Variants in CAMK2A observed in about 807,000 individuals in gnomAD.
CAMK2A encodes the protein calcium/calmodulin-dependent protein kinase type II subunit alpha.
A neutral mutation model predicts 79.2 loss-of-function variants in CAMK2A; 7 were observed. The observed-to-expected ratio is 0.09, with a 90% CI of 0.05 to 0.17. CAMK2A has a LOEUF of 0.17. CAMK2A is among the 10% of genes least tolerant of loss of function. The pLI is 1.00. For synonymous variants in CAMK2A, 242 were observed against 251.7 expected, an observed-to-expected ratio of 0.96 and a Z score of 0.36; for missense variants, 214 against 646.4, an observed-to-expected ratio of 0.33 and a Z score of 7.25.
chr5:150,231,230 C>A (rs1319182338), intron 16 of CAMK2A, 75 bp downstream of exon 16: 1 of 690,908 alleles, frequency 1.4e-6, no homozygotes, highest in South Asian at 2.5e-5. Flanking sequence ...GAGACAAGGA[C>A]CCCCAAAGTT....
intron 15 of CAMK2A, among the ~76,000 whole-genome samples, chr5:150,232,789 G>A (rs993450138): frequency 4.6e-5 from 7 of 152,184 alleles, no homozygotes; most frequent in African/African-American, 1.7e-4. Flanking sequence ...ACCCCACACA[G>A]GAGCACACCT....
chr5:150,252,055 C>A lies in CAMK2A; in HGVS notation c.525G>T (p.Gly175=). 6.2e-7 allele frequency: 1 copy of A among 1,613,100 alleles called. No homozygotes were observed. Among genetic ancestry groups the A allele is most frequent in the Non-Finnish European group, 8.5e-7 (1 of 1,179,230 alleles). The change falls in exon 8 of 19, where the codon GGG becomes GGT. Residue 175 remains glycine (G), a synonymous_variant. Transcript: ENST00000671881. Reference sequence around the variant, plus strand: ...CTTCTGGGGAGAGATATCCAGGAGTCCCTGCAAACCCTGCTCCCAGACACA... The same window carrying A: ...CTTCTGGGGAGAGATATCCAGGAGTACCTGCAAACCCTGCTCCCAGACACA... ...GEQQAWFGFA[G]TPGYLSPEVL...
Position 150,284,667 on chromosome 5 carries a change from C to T in CAMK2A, c.62+4897G>A, listed in dbSNP as rs529387544. On this transcript the variant is annotated intron_variant, in intron 1 of 18. Transcript: ENST00000671881. This position sits in a 1 kb window ranked among gnomAD's most constrained non-coding sequence, Gnocchi z 5.3. Reference sequence around the variant, plus strand: ...CTCGTCCCTTCCCTGTTCCTGCCACCCTTTCCTTGAGGTCCTGCCCCTCAA... The same window carrying T: ...CTCGTCCCTTCCCTGTTCCTGCCACTCTTTCCTTGAGGTCCTGCCCCTCAA... Among the ~76,000 whole-genome samples, 133 of 152,282 alleles carry T rather than the reference C, an allele frequency of 8.7e-4. 2 individuals are homozygous for T. Among genetic ancestry groups the T allele is most frequent in the African/African-American group, 3.1e-3 (129 of 41,554 alleles).
In CAMK2A at chr5:150,251,979, C is replaced by T; in HGVS notation, c.598+3G>A. The T allele has an allele frequency of 6.2e-7, 1 of 1,613,424 alleles. No individual in the cohort carries two copies. Among genetic ancestry groups the T allele is most frequent in the Non-Finnish European group, 8.5e-7 (1 of 1,179,442 alleles). ...GCACAAAAGGGCCTTAGGATGAACT[C>T]ACCACAAGCCCACAGGTCCACAGGC... is the stretch of plus-strand genomic sequence containing the variant. On this transcript the variant is annotated splice_donor_region_variant and intron_variant, in intron 8 of 18. Coordinates refer to ENST00000671881, the MANE Select transcript of CAMK2A (RefSeq NM_015981.4).
At chr5:150,270,120 G>T (rs573477070) in intron 2 of CAMK2A, among the ~76,000 whole-genome samples, 64 of 152,214 alleles carry the variant, frequency 4.2e-4, no homozygotes, top group African/African-American at 1.5e-3. Context: ...GAGCTAGGAG[G>T]CTATACAGCA....
Position 150,223,333 on chromosome 5 carries a change from T to A in CAMK2A, c.1238-116A>T. The stretch of plus-strand genomic sequence containing the variant: ...AATGGAGGCGCCCTGCCTGACTCAT[T>A]TGCAGGGAAGGGGCCTGTGTGGCAG... On this transcript the variant is annotated intron_variant, in intron 17 of 18. Coordinates refer to ENST00000671881, the MANE Select transcript of CAMK2A (RefSeq NM_015981.4). The surrounding 1 kb of genome is among the most constrained non-coding windows in gnomAD (Gnocchi z 4.1). 1 of 799,874 alleles carries A rather than the reference T, an allele frequency of 1.3e-6. No homozygotes were observed. Among genetic ancestry groups the A allele is most frequent in the South Asian group, 1.7e-5 (1 of 59,730 alleles). 49.5% of individuals were successfully genotyped at this position (799,874 alleles called of 1,614,324 possible).
At chr5:150,234,036 C>G (rs919665690) in intron 15 of CAMK2A, among the ~76,000 whole-genome samples, 1 of 152,180 alleles carries the variant, frequency 6.6e-6, no homozygotes, top group Non-Finnish European at 1.5e-5. Flanking sequence ...TGGTCACGAG[C>G]TCCTGGCCTC....
At chr5:150,250,902 G>A (rs1755803469) in intron 9 of CAMK2A, 92 bp from the exon 10 acceptor site, 2 of 1,451,436 alleles carry the variant, frequency 1.4e-6, no homozygotes, top group Non-Finnish European at 9.5e-7. Flanking sequence ...GCAGGCAGGG[G>A]TCCTACTGCC....
chr5:150,264,662 C>T (rs1756433293), intron 3 of CAMK2A, among the ~76,000 whole-genome samples: 1 of 152,182 alleles, frequency 6.6e-6, no homozygotes, highest in Non-Finnish European at 1.5e-5. Flanking sequence ...AAGCATGTCC[C>T]CCTGGCCTAT....
intron 13 of CAMK2A, 46 bp downstream of exon 13, chr5:150,245,115 A>G: frequency 1.3e-6 from 2 of 1,595,348 alleles, no homozygotes; most frequent in African/African-American, 1.3e-5. Flanking sequence ...CTGTTGGCAG[A>G]AACGCTGCCA....
chr5:150,238,524 C>T (rs542419524), intron 15 of CAMK2A, 176 bp downstream of exon 15: 30 of 716,034 alleles, frequency 4.2e-5, no homozygotes, highest in Middle Eastern at 2.3e-4. Context: ...GTACCACCCC[C>T]GCCCTCCATG....
At chr5:150,263,522 CACTT>C (rs973965626) in intron 3 of CAMK2A, among the ~76,000 whole-genome samples, 7 of 151,714 alleles carry the variant, frequency 4.6e-5, no homozygotes, top group South Asian at 2.1e-4. Context: ...TTCACACACA[CACTT>C]ACACAGACAC....
At position 150,287,564 on chromosome 5, in the gene CAMK2A, A is replaced by T. The variant is rs189673657; in HGVS notation, c.62+2000T>A. Among the ~76,000 whole-genome samples, 64 of 152,172 alleles carry T rather than the reference A, an allele frequency of 4.2e-4. No homozygotes were observed. In the East Asian group the frequency reaches 4.5e-3, roughly 11 times the overall value. On this transcript the variant is annotated intron_variant, in intron 1 of 18. Coordinates refer to ENST00000671881, the MANE Select transcript of CAMK2A (RefSeq NM_015981.4). The stretch of plus-strand genomic sequence containing the variant: ...ACAAAACCCAGTCTTAATGATATCC[A>T]TCTCCTCTTGGGGCAAAACATCACT...
chr5:150,274,401 C>T (rs1002147918), intron 1 of CAMK2A, among the ~76,000 whole-genome samples: 7 of 152,158 alleles, frequency 4.6e-5, no homozygotes, highest in Admixed American at 3.9e-4. Context: ...AATATTGGCA[C>T]CTATTCCAAA....
intron 6 of CAMK2A, among the ~76,000 whole-genome samples, chr5:150,253,942 T>C (rs926304396): frequency 1.3e-5 from 2 of 152,218 alleles, no homozygotes; most frequent in Non-Finnish European, 2.9e-5. Context: ...TCATCTCTTG[T>C]ATCAACGACC....
chr5:150,276,230 A>C (rs1385504626), intron 1 of CAMK2A, among the ~76,000 whole-genome samples: 1 of 152,214 alleles, frequency 6.6e-6, no homozygotes, highest in East Asian at 1.9e-4. Context: ...CCACAACCCT[A>C]CATCCCCATC....
intron 7 of CAMK2A, 59 bp from the exon 8 acceptor site, chr5:150,252,124 T>G (rs1755863514): frequency 2.3e-6 from 3 of 1,282,158 alleles, no homozygotes; most frequent in Non-Finnish European, 3.4e-6. Context: ...GTAAGTAACC[T>G]GGAGCAAGAT....
chr5:150,237,408 T>C (rs528075609), intron 15 of CAMK2A, among the ~76,000 whole-genome samples: 4 of 151,964 alleles, frequency 2.6e-5, no homozygotes, highest in African/African-American at 7.3e-5. Flanking sequence ...GCATCTCTGC[T>C]ACACACCTGA....
At chr5:150,285,465 A>G (rs1308615738) in intron 1 of CAMK2A, among the ~76,000 whole-genome samples, 1 of 152,196 alleles carries the variant, frequency 6.6e-6, no homozygotes, top group African/African-American at 2.4e-5. Context: ...TGCCTGGGAA[A>G]GGCAGGATTG....
Sources: gnomAD v4.1 joint callset for allele counts (sites outside exome capture counted in the v4.1 genomes callset) on GRCh38, gnomAD v4.1.1 for gene constraint, Gnocchi (gnomAD v3.1) non-coding constraint, MANE v1.5 for transcripts, NCBI Gene and HGNC (gene_info 2026-07-23, HGNC 2026-07-21) for gene names.